The following PHYHIPL variants were observed in gnomAD, a reference collection of about 807,000 sequenced individuals.
PHYHIPL encodes the protein phytanoyl-CoA 2-hydroxylase interacting protein like.
PHYHIPL carries 9 observed loss-of-function variants against 33.4 expected under a neutral mutation model. That is an observed-to-expected ratio of 0.27 (90% CI 0.16 to 0.47). PHYHIPL has a LOEUF of 0.47. PHYHIPL is among the 20% of genes least tolerant of loss of function. PHYHIPL has a pLI of 0.99. For missense variants in PHYHIPL, 365 were observed against 460.7 expected (o/e 0.79, Z 1.90); for synonymous variants, 153 against 154.1 (o/e 0.99, Z 0.05).
intron 1 of PHYHIPL, among the ~76,000 whole-genome samples, chr10:59,197,509 T>C (rs751686668): frequency 5.9e-5 from 9 of 152,176 alleles, no homozygotes; most frequent in African/African-American, 1.4e-4. Flanking sequence ...ACTTTTTTTT[T>C]CCTACATTTT....
intron 1 of PHYHIPL, among the ~76,000 whole-genome samples, chr10:59,220,062 A>G (rs1305095266): frequency 6.6e-6 from 1 of 152,148 alleles, no homozygotes; most frequent in East Asian, 1.9e-4. Context: ...ATTGTGCTGA[A>G]TTGCTAATAA....
chr10:59,175,223 A>C (rs1185606727), upstream of PHYHIPL, among the ~76,000 whole-genome samples: 1 of 152,242 alleles, frequency 6.6e-6, no homozygotes, highest in Non-Finnish European at 1.5e-5. Context: ...TCAAACTTCA[A>C]AAACATCCAT....
chr10:59,239,309 A>G (rs1044235843), intron 4 of PHYHIPL, among the ~76,000 whole-genome samples: 1 of 152,024 alleles, frequency 6.6e-6, no homozygotes, highest in African/African-American at 2.4e-5. Flanking sequence ...CACATCTTAC[A>G]TGGATAGCAA....
intron 1 of PHYHIPL, among the ~76,000 whole-genome samples, chr10:59,203,387 T>G (rs1839184070): frequency 6.6e-6 from 1 of 152,152 alleles, no homozygotes; most frequent in Admixed American, 6.5e-5. Flanking sequence ...GAACTAGAAA[T>G]ACCATTTGAC....
intron 4 of PHYHIPL, among the ~76,000 whole-genome samples, chr10:59,240,056 C>A (rs1840344569): frequency 6.6e-6 from 1 of 151,946 alleles, no homozygotes; most frequent in Admixed American, 6.6e-5. Context: ...AAGTACTTAG[C>A]AATAGAATGT....
At chr10:59,235,109 T>A (rs941542359) in intron 2 of PHYHIPL, among the ~76,000 whole-genome samples, 1 of 150,896 alleles carries the variant, frequency 6.6e-6, no homozygotes, top group Non-Finnish European at 1.5e-5. Context: ...TGATGCAGTT[T>A]ATAAACTTCA....
Position 59,247,466 on chromosome 10 carries a change from A to T in PHYHIPL, c.*1875A>T. 2.2e-6 allele frequency: 2 copies of T among 927,534 alleles called. No individual in the cohort carries two copies. Among genetic ancestry groups the T allele is most frequent in the Non-Finnish European group, 3.3e-6 (2 of 600,236 alleles). The allele number at this position is 927,534 out of a possible 1,614,324, so 57.5% of individuals were successfully genotyped here. A position where few individuals can be genotyped will look rare whatever the true frequency, so the allele number is the denominator to read the frequency against. On this transcript the variant is annotated 3_prime_UTR_variant, in exon 5 of 5. Transcript: ENST00000373880. Reference sequence around the variant, plus strand: ...AAATCCCTTCTCCTTGTATATAATTAAACTTGCTATTCCTTCTTAAAAACA... The same window carrying T: ...AAATCCCTTCTCCTTGTATATAATTTAACTTGCTATTCCTTCTTAAAAACA...
At position 59,245,395 on chromosome 10, in the gene PHYHIPL, C is replaced by G; in HGVS notation, c.935C>G (p.Thr312Ser). 1.2e-6 allele frequency: 2 copies of G among 1,614,060 alleles called. No homozygotes were observed. The highest frequency in any genetic ancestry group is 8.5e-7 in the Non-Finnish European group (1 of 1,180,008). ...AATTCTAAGGATAATAAATTTTTGA[C>G]CTGTACAGAAGAAGATGGGGTGCTG... ...QLNSKDNKFL[T>S]CTEEDGVLVY... is the part of the protein sequence containing the mutation. The change falls in exon 5 of 5, where the codon ACC becomes AGC. Residue 312 changes from threonine (T) to serine (S), a missense_variant. Transcript: ENST00000373880.
At chr10:59,241,336 T>C (rs1443087589) in intron 4 of PHYHIPL, among the ~76,000 whole-genome samples, 1 of 125,864 alleles carries the variant, frequency 7.9e-6, no homozygotes, top group African/African-American at 2.6e-5. Flanking sequence ...ACTGGATAAA[T>C]ACTTACTCAG....
chr10:59,244,332 C>T (rs1049405226), intron 4 of PHYHIPL, among the ~76,000 whole-genome samples: 3 of 151,850 alleles, frequency 2.0e-5, no homozygotes, highest in Non-Finnish European at 2.9e-5. Context: ...TTTGGGAGGC[C>T]GAGGTGGGCG....
At chr10:59,188,637 A>C (rs144043409) in intron 1 of PHYHIPL, among the ~76,000 whole-genome samples, 223 of 152,272 alleles carry the variant, frequency 1.5e-3, no homozygotes, top group African/African-American at 5.1e-3. Flanking sequence ...TTGCTTTATG[A>C]ATCTGGATGC....
chr10:59,237,847 A>G (rs1439231075), intron 3 of PHYHIPL, among the ~76,000 whole-genome samples: 3 of 151,900 alleles, frequency 2.0e-5, no homozygotes, highest in Non-Finnish European at 4.4e-5. Flanking sequence ...AGTTCTTTGC[A>G]AGGAATAATA....
chr10:59,242,414 G>T (rs1023198913), intron 4 of PHYHIPL, among the ~76,000 whole-genome samples: 16 of 141,172 alleles, frequency 1.1e-4, no homozygotes, highest in African/African-American at 4.7e-4. Context: ...TTCACCCACT[G>T]GTAGATAGTC....
At chr10:59,225,020 A>G (rs1839888303) in intron 1 of PHYHIPL, among the ~76,000 whole-genome samples, 1 of 151,680 alleles carries the variant, frequency 6.6e-6, no homozygotes, top group Non-Finnish European at 1.5e-5. Flanking sequence ...AAAGGATGAA[A>G]AGTTTAAAAG....
intron 1 of PHYHIPL, among the ~76,000 whole-genome samples, chr10:59,189,480 T>A (rs1482492479): frequency 6.6e-6 from 1 of 152,028 alleles, no homozygotes; most frequent in Non-Finnish European, 1.5e-5. Context: ...AATGATTAAT[T>A]TATAGGAACT....
intron 1 of PHYHIPL, among the ~76,000 whole-genome samples, chr10:59,215,648 C>T (rs187780326): frequency 2.2e-4 from 33 of 151,820 alleles, no homozygotes; most frequent in Non-Finnish European, 3.8e-4. Flanking sequence ...TATGGAACTG[C>T]TGTAAATGAA....
At chr10:59,178,312 C>T (rs1838310643) in intron 1 of PHYHIPL, among the ~76,000 whole-genome samples, 1 of 151,838 alleles carries the variant, frequency 6.6e-6, no homozygotes, top group African/African-American at 2.4e-5. Context: ...CTTGTATTTC[C>T]TTTATTCTTA....
intron 4 of PHYHIPL, among the ~76,000 whole-genome samples, chr10:59,244,323 T>C (rs1298025382): frequency 6.6e-6 from 1 of 151,824 alleles, no homozygotes; most frequent in East Asian, 1.9e-4. Flanking sequence ...TCCCAGCACT[T>C]TGGGAGGCCG....
At chr10:59,187,878 A>G (rs1009989686) in intron 1 of PHYHIPL, among the ~76,000 whole-genome samples, 1 of 152,042 alleles carries the variant, frequency 6.6e-6, no homozygotes, top group Non-Finnish European at 1.5e-5. Flanking sequence ...TAGTCTTGCT[A>G]GCGGTCTATC....
Sources: gnomAD v4.1 joint callset for allele counts (sites outside exome capture counted in the v4.1 genomes callset) on GRCh38, gnomAD v4.1.1 for gene constraint, MANE v1.5 for transcripts, NCBI Gene and HGNC (gene_info 2026-07-23, HGNC 2026-07-21) for gene names.